The following EPM2A variants were observed in gnomAD, a reference collection of about 807,000 sequenced individuals.
EPM2A encodes EPM2A glucan phosphatase, laforin.
Under a neutral mutation model 26.5 loss-of-function variants are expected in EPM2A, and 21 were observed. The observed-to-expected ratio is 0.79, with a 90% CI of 0.56 to 1.14. The LOEUF (loss-of-function observed/expected upper bound fraction) is 1.14. EPM2A is among the 50% of genes most tolerant of loss of function. The pLI is 0.00. For missense variants in EPM2A, 458 were observed against 440.8 expected (o/e 1.04, Z -0.35); for synonymous variants, 217 against 177.6 (o/e 1.22, Z -1.76).
Position 145,626,896 on chromosome 6 carries a change from T to C in EPM2A, c.*520A>G. 2.0e-6 allele frequency: 2 copies of C among 996,678 alleles called. No individual in the cohort carries two copies. The highest frequency in any genetic ancestry group is 2.4e-6 in the Non-Finnish European group (2 of 835,952). The allele number at this position is 996,678 out of a possible 1,614,324, so 61.7% of individuals were successfully genotyped here. On this transcript the variant is annotated 3_prime_UTR_variant, in exon 4 of 4. Coordinates refer to ENST00000367519, the MANE Select transcript of EPM2A (RefSeq NM_005670.4). ...ACTGTGAGGCAGGATAAAAAACAAG[T>C]CCTGAAAGCCATCACTTTTTGACCA...
intron 2 of EPM2A, among the ~76,000 whole-genome samples, chr6:145,556,409 T>C (rs1780728681): frequency 6.6e-6 from 1 of 152,152 alleles, no homozygotes; most frequent in South Asian, 2.1e-4. Context: ...TGATAGAATT[T>C]TCTGAGCTTA....
intron 2 of EPM2A, among the ~76,000 whole-genome samples, chr6:145,677,072 A>G (rs1477412536): frequency 1.3e-5 from 2 of 152,186 alleles, no homozygotes; most frequent in African/African-American, 2.4e-5. Flanking sequence ...GCACATCAAA[A>G]AGCTTATCCT....
Position 145,625,854 on chromosome 6 carries a change from A to G in EPM2A, c.*1562T>C, listed in dbSNP as rs1361784582. The G allele has an allele frequency of 1.3e-6, 2 of 1,525,570 alleles. No individual in the cohort carries two copies. Among genetic ancestry groups the G allele is most frequent in the Non-Finnish European group, 1.8e-6 (2 of 1,133,636 alleles). The allele number at this position is 1,525,570 out of a possible 1,614,324, so 94.5% of individuals were successfully genotyped here. A position where few individuals can be genotyped will look rare whatever the true frequency, so the allele number is the denominator to read the frequency against. ...TTCTAAATAAGAGTCTCTTGCATCTATCAATATGTGTTTGTGGAAGAAAGG... is the reference window on the plus strand; with the variant it reads ...TTCTAAATAAGAGTCTCTTGCATCTGTCAATATGTGTTTGTGGAAGAAAGG... On this transcript the variant is annotated 3_prime_UTR_variant, in exon 4 of 4. Transcript: ENST00000367519.
chr6:145,571,417 G>T (rs187002669), intron 2 of EPM2A, among the ~76,000 whole-genome samples: 331 of 152,306 alleles, frequency 2.2e-3, no homozygotes, highest in Non-Finnish European at 3.9e-3. Flanking sequence ...TTAGTGCCTT[G>T]GTCAGAGGCA....
intron 1 of EPM2A, among the ~76,000 whole-genome samples, chr6:145,734,179 G>C (rs1776675064): frequency 6.6e-6 from 1 of 152,200 alleles, no homozygotes; most frequent in Non-Finnish European, 1.5e-5. Flanking sequence ...GTTTACGACA[G>C]AGGAAAACTG....
chr6:145,408,029 C>T (rs1004966627), intron 4 of EPM2A, among the ~76,000 whole-genome samples: 2 of 152,132 alleles, frequency 1.3e-5, no homozygotes, highest in African/African-American at 4.8e-5. Flanking sequence ...AACTTACTTC[C>T]TCATCTTCAT....
chr6:145,543,050 G>T (rs1780536262), intron 2 of EPM2A, among the ~76,000 whole-genome samples: 1 of 152,014 alleles, frequency 6.6e-6, no homozygotes, highest in African/African-American at 2.4e-5. Flanking sequence ...ACAGGTGTGA[G>T]CCACTGCACA....
At chr6:145,490,543 C>T in intron 4 of EPM2A, 1 of 712,426 alleles carries the variant, frequency 1.4e-6, no homozygotes. Context: ...AACTTTCTTC[C>T]CAGTTCTTTG....
chr6:145,459,919 C>T (rs971803604), intron 4 of EPM2A, among the ~76,000 whole-genome samples: 2 of 152,122 alleles, frequency 1.3e-5, no homozygotes, highest in African/African-American at 4.8e-5. Flanking sequence ...TCTTTTCCAA[C>T]CCTCTCATTT....
intron 2 of EPM2A, among the ~76,000 whole-genome samples, chr6:145,655,598 A>G (rs1190251402): frequency 1.3e-5 from 2 of 152,222 alleles, no homozygotes; most frequent in African/African-American, 4.8e-5. Context: ...ATTTAATATG[A>G]AAAGGGCCAA....
intron 2 of EPM2A, among the ~76,000 whole-genome samples, chr6:145,677,735 C>G (rs1025290031): frequency 6.6e-5 from 10 of 152,106 alleles, no homozygotes; most frequent in African/African-American, 2.2e-4. Flanking sequence ...TGTGAAGGAC[C>G]TCTTTAAGGA....
intron 2 of EPM2A, among the ~76,000 whole-genome samples, chr6:145,572,801 C>T (rs1287373651): frequency 6.6e-6 from 1 of 152,190 alleles, no homozygotes; most frequent in African/African-American, 2.4e-5. Context: ...CCTGGACCTG[C>T]TGCAGAACTT....
In EPM2A at chr6:145,606,087, T is replaced by C. The variant is rs574620734; in HGVS notation, c.340+29158A>G. Among the ~76,000 whole-genome samples the C allele has an allele frequency of 1.4e-4, 21 of 152,252 alleles. No individual in the cohort carries two copies. The South Asian group carries it at 3.9e-3, about 29-fold the overall frequency. On this transcript the variant is annotated intron_variant, in intron 2 of 3. Coordinates refer to the EPM2A transcript ENST00000450221. ...GCAAAAGTTAAATTATTATGCAATT[T>C]CACATTTCACCAAAGAGAAAAACAA... is the stretch of plus-strand genomic sequence containing the variant.
At chr6:145,443,374 C>T (rs1240139995) in intron 4 of EPM2A, among the ~76,000 whole-genome samples, 2 of 152,160 alleles carry the variant, frequency 1.3e-5, no homozygotes, top group African/African-American at 4.8e-5. Flanking sequence ...AGGGAAGTTT[C>T]TTCCATTTGC....
intron 1 of EPM2A, among the ~76,000 whole-genome samples, chr6:145,726,478 G>A (rs1003016016): frequency 6.6e-6 from 1 of 152,044 alleles, no homozygotes; most frequent in East Asian, 1.9e-4. Flanking sequence ...AAAGACTACA[G>A]TATGGAAATA....
At chr6:145,574,475 T>C (rs191717315) in intron 2 of EPM2A, among the ~76,000 whole-genome samples, 2 of 152,328 alleles carry the variant, frequency 1.3e-5, no homozygotes, top group Non-Finnish European at 2.9e-5. Context: ...GTGACTGTGG[T>C]TCCCACTGTT....
intron 2 of EPM2A, among the ~76,000 whole-genome samples, chr6:145,506,776 G>A (rs1431266645): frequency 6.6e-6 from 1 of 152,196 alleles, no homozygotes; most frequent in Admixed American, 6.5e-5. Context: ...CCTTGGATCT[G>A]ATTAGGATAG....
intron 1 of EPM2A, among the ~76,000 whole-genome samples, chr6:145,692,572 A>T (rs1176873727): frequency 6.6e-6 from 1 of 152,092 alleles, no homozygotes; most frequent in African/African-American, 2.4e-5. Context: ...TAGGTTTTTA[A>T]TCTGTTTTGT....
At chr6:145,503,190 T>C (rs1035994204) in intron 2 of EPM2A, among the ~76,000 whole-genome samples, 3 of 152,172 alleles carry the variant, frequency 2.0e-5, no homozygotes, top group African/African-American at 7.2e-5. Context: ...TCTTTTCAGG[T>C]CTATTTATTA....
Sources: allele counts gnomAD v4.1 joint callset (sites outside exome capture counted in the v4.1 genomes callset), GRCh38; gene constraint gnomAD v4.1.1; transcripts MANE v1.5; gene names NCBI Gene and HGNC (gene_info 2026-07-23, HGNC 2026-07-21).